Variants in SND1 observed in about 807,000 individuals in gnomAD.
SND1 encodes staphylococcal nuclease and tudor domain containing 1.
A neutral mutation model predicts 121.7 loss-of-function variants in SND1; 38 were observed. That is an observed-to-expected ratio of 0.31 (90% CI 0.24 to 0.41). The LOEUF is 0.41. SND1 is among the 10% of genes least tolerant of loss of function. The probability of loss-of-function intolerance (pLI) is 1.00; values close to 1 mark genes in which losing one functional copy is unlikely to be tolerated. For missense variants in SND1, 868 were observed against 1,184.6 expected (o/e 0.73, Z 3.92); for synonymous variants, 401 against 447.4 (o/e 0.90, Z 1.31).
chr7:127,876,037 G>A (rs543805433), intron 12 of SND1, among the ~76,000 whole-genome samples: 2 of 152,158 alleles, frequency 1.3e-5, no homozygotes, highest in South Asian at 4.1e-4. Flanking sequence ...GTTAATAAAT[G>A]TACAGCGTTT....
intron 8 of SND1, among the ~76,000 whole-genome samples, chr7:127,706,256 C>CA (rs71708156): frequency 1.4e-5 from 1 of 72,018 alleles, no homozygotes; most frequent in Non-Finnish European, 2.5e-5. Context: ...CCCCCCTCCC[C>CA]CCCCCCACCT....
At chr7:127,972,055 G>A (rs564458549) in intron 15 of SND1, among the ~76,000 whole-genome samples, 5 of 151,974 alleles carry the variant, frequency 3.3e-5, no homozygotes, top group Non-Finnish European at 7.4e-5. Context: ...GATTATAGGC[G>A]TGAGCCACCA....
chr7:127,726,178 C>T (rs1796578632), intron 10 of SND1, among the ~76,000 whole-genome samples: 1 of 152,194 alleles, frequency 6.6e-6, no homozygotes, highest in South Asian at 2.1e-4. Context: ...CCTAGGCTTT[C>T]CAATATTACC....
At chr7:127,934,623 T>G (rs539945051) in intron 15 of SND1, among the ~76,000 whole-genome samples, 7 of 151,890 alleles carry the variant, frequency 4.6e-5, no homozygotes, top group African/African-American at 1.4e-4. Context: ...GGGGGTGGTG[T>G]TGAGTGGAGG....
At chr7:127,920,314 A>G (rs777295393) in intron 14 of SND1, among the ~76,000 whole-genome samples, 1 of 152,228 alleles carries the variant, frequency 6.6e-6, no homozygotes, top group Admixed American at 6.5e-5. Flanking sequence ...AGCAGAAGGC[A>G]TGGATTGAGG....
chr7:127,687,667 CT>C (rs1287272140), intron 2 of SND1, among the ~76,000 whole-genome samples: 1 of 152,026 alleles, frequency 6.6e-6, no homozygotes, highest in Non-Finnish European at 1.5e-5. Flanking sequence ...TTTTTTATGG[CT>C]GCCCATACTT....
chr7:127,725,195 G>A (rs1418871701), intron 10 of SND1, among the ~76,000 whole-genome samples: 1 of 152,172 alleles, frequency 6.6e-6, no homozygotes, highest in African/African-American at 2.4e-5. Context: ...CATCCTCTCG[G>A]AGTCTTAGGT....
intron 16 of SND1, among the ~76,000 whole-genome samples, chr7:128,071,770 T>C (rs981091447): frequency 1.3e-5 from 2 of 152,174 alleles, no homozygotes; most frequent in Non-Finnish European, 2.9e-5. Flanking sequence ...CTTTGTTTGA[T>C]TGAGAAATTA....
chr7:127,716,077 A>G (rs1333643803), intron 9 of SND1, among the ~76,000 whole-genome samples: 1 of 152,108 alleles, frequency 6.6e-6, no homozygotes, highest in Non-Finnish European at 1.5e-5. Context: ...TGTATGTCTG[A>G]TTTTATGCCA....
chr7:128,047,101 A>T (rs1792962173), intron 16 of SND1, among the ~76,000 whole-genome samples: 1 of 152,188 alleles, frequency 6.6e-6, no homozygotes, highest in Non-Finnish European at 1.5e-5. Flanking sequence ...ATGTAAAAAG[A>T]TTATTATTTA....
intron 10 of SND1, among the ~76,000 whole-genome samples, chr7:127,771,601 T>C (rs996192737): frequency 7.2e-5 from 11 of 152,086 alleles, no homozygotes; most frequent in African/African-American, 2.7e-4. Flanking sequence ...TGGAGATATA[T>C]CATCAATTAA....
chr7:128,059,248 A>G (rs772830382), intron 16 of SND1, among the ~76,000 whole-genome samples: 1 of 152,018 alleles, frequency 6.6e-6, no homozygotes, highest in African/African-American at 2.4e-5. Context: ...CTCTCCCTTG[A>G]ACCCCCCTAG....
chr7:127,974,693 T>C (rs1282033998), intron 15 of SND1, among the ~76,000 whole-genome samples: 1 of 152,168 alleles, frequency 6.6e-6, no homozygotes, highest in African/African-American at 2.4e-5. Context: ...TTCAAGAATA[T>C]AGGATTTTCC....
chr7:127,988,344 A>C (rs1563080034), intron 15 of SND1, among the ~76,000 whole-genome samples: 1 of 152,108 alleles, frequency 6.6e-6, no homozygotes, highest in Non-Finnish European at 1.5e-5. Flanking sequence ...CACTTGAAAA[A>C]GGGCACAGAA....
intron 14 of SND1, among the ~76,000 whole-genome samples, chr7:127,916,158 G>T (rs1800574803): frequency 6.6e-6 from 1 of 151,994 alleles, no homozygotes; most frequent in African/African-American, 2.4e-5. Context: ...CAATGGTTAG[G>T]GGAGAATTTG....
chr7:127,761,021 G>A (rs1200931566), intron 10 of SND1, among the ~76,000 whole-genome samples: 1 of 152,218 alleles, frequency 6.6e-6, no homozygotes, highest in Non-Finnish European at 1.5e-5. Flanking sequence ...TAGATTTCAA[G>A]TGGTATATTG....
intron 16 of SND1, among the ~76,000 whole-genome samples, chr7:128,062,649 T>G (rs1159467157): frequency 1.3e-5 from 2 of 152,208 alleles, no homozygotes; most frequent in Non-Finnish European, 1.5e-5. Context: ...TCTTCTGGCC[T>G]GCAAGAGGGA....
At chr7:127,931,451 A>G (rs970456766) in intron 15 of SND1, among the ~76,000 whole-genome samples, 11 of 152,234 alleles carry the variant, frequency 7.2e-5, no homozygotes, top group African/African-American at 2.4e-4. Context: ...AGGTTTAAGG[A>G]GAGAAGCCAT....
chr7:128,037,152 C>A (rs1015764680), intron 16 of SND1, among the ~76,000 whole-genome samples: 6 of 152,184 alleles, frequency 3.9e-5, no homozygotes, highest in African/African-American at 1.4e-4. Flanking sequence ...GAAATATATT[C>A]TCTCACAGTT....
Sources: gnomAD v4.1 joint callset for allele counts (sites outside exome capture counted in the v4.1 genomes callset) on GRCh38, gnomAD v4.1.1 for gene constraint, MANE v1.5 for transcripts, NCBI Gene and HGNC (gene_info 2026-07-23, HGNC 2026-07-21) for gene names.